The following KCNG3 variants were observed in gnomAD, a reference collection of about 807,000 sequenced individuals.
KCNG3 encodes the protein voltage-gated potassium channel regulatory subunit KCNG3.
A neutral mutation model predicts 29.0 loss-of-function variants in KCNG3; 15 were observed. The ratio of observed to expected loss-of-function variants is 0.52; its 90% CI spans 0.35 to 0.80. The LOEUF (loss-of-function observed/expected upper bound fraction) is 0.80. Ranked by LOEUF, KCNG3 falls within the 30% of genes least tolerant of loss-of-function variation. The probability of loss-of-function intolerance (pLI) is 0.01; values close to 1 mark genes in which losing one functional copy is unlikely to be tolerated. For missense variants in KCNG3, 512 were observed against 605.7 expected, an observed-to-expected ratio of 0.85 and a Z score of 1.62; for synonymous variants, 322 against 248.9, an observed-to-expected ratio of 1.29 and a Z score of -2.76.
At chr2:42,418,973 T>C in the KCNG3 span, among the ~76,000 whole-genome samples, 23 of 152,304 alleles carry the variant, frequency 1.5e-4, no homozygotes, top group African/African-American at 4.3e-4. Context: ...ACAGTCCTTT[T>C]TGAACAAAGC....
Position 42,493,069 on chromosome 2 carries a change from C to T in KCNG3, c.433G>A (p.Ala145Thr), listed in dbSNP as rs1280251258. 1.3e-6 allele frequency: 2 copies of T among 1,541,376 alleles called. No individual in the cohort carries two copies. The highest frequency in any genetic ancestry group is 1.7e-6 in the Non-Finnish European group (2 of 1,147,936). Residue 145 changes from alanine (A) to threonine (T), a missense_variant, in exon 1 of 2, where the codon GCC becomes ACC. Coordinates refer to ENST00000306078, the MANE Select transcript of KCNG3 (RefSeq NM_133329.6). ...LGRDEARPGGAEAAPSRRWLE... is the reference protein window; with the variant it reads ...LGRDEARPGGTEAAPSRRWLE... ...CAGCGCCTGGAGGGAGCCGCCTCGG[C>T]CCCGCCGGGGCGCGCCTCGTCGCGG...
At chr2:42,482,511 T>G (rs1273470550) in intron 1 of KCNG3, among the ~76,000 whole-genome samples, 1 of 152,062 alleles carries the variant, frequency 6.6e-6, no homozygotes, top group African/African-American at 2.4e-5. Context: ...GATCACAAGG[T>G]CAGGAGTTCA....
chr2:42,390,960 T>A, the KCNG3 span, among the ~76,000 whole-genome samples: 3 of 152,160 alleles, frequency 2.0e-5, no homozygotes, highest in East Asian at 5.8e-4. Context: ...TGCCTTAGGA[T>A]TTCCCCCAGA....
chr2:42,463,763 C>T (rs186319635), intron 1 of KCNG3: 25 of 188,684 alleles, frequency 1.3e-4, no homozygotes, highest in African/African-American at 4.8e-4. Flanking sequence ...GCCTGGTGTG[C>T]GGTCAGTGTT....
chr2:42,482,218 T>C (rs1312329259), intron 1 of KCNG3, among the ~76,000 whole-genome samples: 7 of 152,236 alleles, frequency 4.6e-5, no homozygotes, highest in African/African-American at 1.4e-4. Flanking sequence ...GCTCAATAAA[T>C]GTTTGTTGAA....
At position 42,488,071 on chromosome 2, in the gene KCNG3, A is replaced by C. The variant is rs927053853; in HGVS notation, c.665+4766T>G. 2.6e-5 allele frequency among the ~76,000 whole-genome samples: 4 copies of C among 152,344 alleles called. No individual in the cohort carries two copies. In the East Asian group the frequency reaches 7.7e-4, roughly 29 times the overall value. On this transcript the variant is annotated intron_variant, in intron 1 of 1. Transcript: ENST00000306078. ...TCTCTGAAATGACAAACCAAAAACT[A>C]GTAACTTTGGTTACATCTAGGGAAA...
At chr2:42,481,723 A>T (rs1179128193) in intron 1 of KCNG3, among the ~76,000 whole-genome samples, 2 of 151,894 alleles carry the variant, frequency 1.3e-5, no homozygotes, top group East Asian at 3.9e-4. Flanking sequence ...TGTTGCTCCA[A>T]TTGACCAAAG....
chr2:42,433,125 C>T, the KCNG3 span, among the ~76,000 whole-genome samples: 1 of 152,046 alleles, frequency 6.6e-6, no homozygotes, highest in Non-Finnish European at 1.5e-5. Context: ...TGACATTGTA[C>T]TGTAAGTTCT....
chr2:42,483,241 C>T (rs2103732469), intron 1 of KCNG3, among the ~76,000 whole-genome samples: 1 of 152,228 alleles, frequency 6.6e-6, no homozygotes, highest in Non-Finnish European at 1.5e-5. Context: ...TTACTAACTG[C>T]ATATGATGAT....
the KCNG3 span, chr2:42,425,149 G>C: frequency 6.6e-6 from 1 of 151,876 alleles, no homozygotes; most frequent in Admixed American, 6.6e-5. Flanking sequence ...AGGGGTCTGG[G>C]GGCAGCTGCT....
chr2:42,460,757 C>A (rs1011214304), intron 1 of KCNG3, among the ~76,000 whole-genome samples: 11 of 152,048 alleles, frequency 7.2e-5, no homozygotes, highest in Non-Finnish European at 1.6e-4. Context: ...GGGCCACTGA[C>A]CAGTGTTTAG....
chr2:42,445,484 C>T lies in KCNG3; in HGVS notation c.666-905G>A, dbSNP rs373562096. ...GGTGAGTGCCCTCACCAGAAACTCACCAGGTCACAACTATCCTAAAAAGGT... is the reference window on the plus strand; with the variant it reads ...GGTGAGTGCCCTCACCAGAAACTCATCAGGTCACAACTATCCTAAAAAGGT... On this transcript the variant is annotated intron_variant, in intron 1 of 1. Coordinates refer to ENST00000306078, the MANE Select transcript of KCNG3 (RefSeq NM_133329.6). Among the ~76,000 whole-genome samples the T allele has an allele frequency of 9.9e-5, 15 of 152,262 alleles. No homozygotes were observed. In the South Asian group the frequency reaches 2.9e-3, roughly 29 times the overall value.
intron 1 of KCNG3, among the ~76,000 whole-genome samples, chr2:42,479,146 T>A (rs1673515290): frequency 6.6e-6 from 1 of 152,108 alleles, no homozygotes. Flanking sequence ...ATCTCCTGAA[T>A]CCCAGTTTTG....
Position 42,481,793 on chromosome 2 carries a change from C to A in KCNG3, c.665+11044G>T, listed in dbSNP as rs62144789. 5.4e-3 allele frequency among the ~76,000 whole-genome samples: 820 copies of A among 152,246 alleles called. 2 individuals are homozygous for A. The highest frequency in any genetic ancestry group is 8.6e-3 in the Non-Finnish European group (587 of 68,032). ...CTTCTCTATGCTTAAAACTCTTTCACCCAGCTATCTTCCCAGGTGCCTCCT... is the reference window on the plus strand; with the variant it reads ...CTTCTCTATGCTTAAAACTCTTTCAACCAGCTATCTTCCCAGGTGCCTCCT... On this transcript the variant is annotated intron_variant, in intron 1 of 1. Coordinates refer to ENST00000306078, the MANE Select transcript of KCNG3 (RefSeq NM_133329.6).
Position 42,449,367 on chromosome 2 carries a change from T to C in KCNG3, c.666-4788A>G, listed in dbSNP as rs529328184. 1.5e-3 allele frequency among the ~76,000 whole-genome samples: 232 copies of C among 152,228 alleles called. 1 individual carries two copies. Among genetic ancestry groups the C allele is most frequent in the African/African-American group, 5.0e-3 (209 of 41,544 alleles). On this transcript the variant is annotated intron_variant, in intron 1 of 1. Transcript: ENST00000306078. ...ATAAAGTTTTATTGGAACACAGCCA[T>C]GCTCACTCATTTACACATTGTCTAT... is the stretch of plus-strand genomic sequence containing the variant.
At chr2:42,434,865 G>A in the KCNG3 span, among the ~76,000 whole-genome samples, 5 of 151,952 alleles carry the variant, frequency 3.3e-5, no homozygotes, top group African/African-American at 1.2e-4. Context: ...CATTACATGG[G>A]GAAAGACTGA....
At chr2:42,466,267 G>A (rs1275198506) in intron 1 of KCNG3, among the ~76,000 whole-genome samples, 6 of 152,100 alleles carry the variant, frequency 3.9e-5, no homozygotes, top group African/African-American at 1.4e-4. Flanking sequence ...TTAGTCAGGC[G>A]TGGTGGTGCC....
the KCNG3 span, among the ~76,000 whole-genome samples, chr2:42,417,872 T>A: frequency 6.6e-6 from 1 of 151,958 alleles, no homozygotes; most frequent in Admixed American, 6.6e-5. Flanking sequence ...CTTGGGAGGC[T>A]GAGGCAGGAG....
chr2:42,405,827 C>T, the KCNG3 span, among the ~76,000 whole-genome samples: 5 of 152,010 alleles, frequency 3.3e-5, no homozygotes, highest in African/African-American at 7.2e-5. Context: ...AGGATGGTCT[C>T]GATCTCCTGA....
Sources: allele counts gnomAD v4.1 joint callset (sites outside exome capture counted in the v4.1 genomes callset), GRCh38; gene constraint gnomAD v4.1.1; transcripts MANE v1.5; gene names NCBI Gene and HGNC (gene_info 2026-07-23, HGNC 2026-07-21).